The following NPAS3 variants were observed in gnomAD, a reference collection of about 807,000 sequenced individuals.
NPAS3 encodes the protein neuronal PAS domain-containing protein 3.
In NPAS3, 14 loss-of-function variants were observed where a neutral mutation model predicts 73.1. The observed-to-expected ratio is 0.19, with a 90% confidence interval of 0.13 to 0.30. The LOEUF (loss-of-function observed/expected upper bound fraction) is 0.30. Ranked by LOEUF, NPAS3 falls within the 10% of genes least tolerant of loss-of-function variation. NPAS3 has a pLI of 1.00. For synonymous variants in NPAS3, 620 were observed against 541.5 expected (o/e 1.14, Z -2.01); for missense variants, 1,096 against 1,250.0 (o/e 0.88, Z 1.86).
At chr14:33,409,611 A>G (rs1326411020) in intron 4 of NPAS3, among the ~76,000 whole-genome samples, 4 of 152,176 alleles carry the variant, frequency 2.6e-5, no homozygotes, top group Non-Finnish European at 5.9e-5. Flanking sequence ...AGTGGGATTT[A>G]TTCAATTTAC....
At chr14:33,173,046 T>C (rs1443444019) in intron 2 of NPAS3, among the ~76,000 whole-genome samples, 1 of 152,194 alleles carries the variant, frequency 6.6e-6, no homozygotes, top group Non-Finnish European at 1.5e-5. Flanking sequence ...TTCTATAACT[T>C]GAACAAAAAA....
At chr14:32,956,279 C>A (rs1438541703) in intron 1 of NPAS3, among the ~76,000 whole-genome samples, 1 of 152,046 alleles carries the variant, frequency 6.6e-6, no homozygotes, top group Non-Finnish European at 1.5e-5. Flanking sequence ...TAAAATAGAA[C>A]AGGTTACAAA....
At chr14:33,607,902 T>G (rs2057627487) in intron 5 of NPAS3, among the ~76,000 whole-genome samples, 3 of 152,072 alleles carry the variant, frequency 2.0e-5, no homozygotes, top group Admixed American at 6.6e-5. Context: ...AGGAAGCCCC[T>G]TATAAAACCA....
At chr14:33,023,697 T>G (rs1266418558) in intron 1 of NPAS3, among the ~76,000 whole-genome samples, 1 of 152,246 alleles carries the variant, frequency 6.6e-6, no homozygotes, top group East Asian at 1.9e-4. Context: ...CATCTTTTCC[T>G]GCTCTTGGTA....
intron 4 of NPAS3, among the ~76,000 whole-genome samples, chr14:33,424,411 G>A (rs778156664): frequency 7.8e-4 from 118 of 151,912 alleles, no homozygotes; most frequent in Non-Finnish European, 1.2e-3. Context: ...TTCAGGCAGA[G>A]GTTGTATGAT....
At chr14:32,954,024 G>C (rs948602367) in intron 1 of NPAS3, among the ~76,000 whole-genome samples, 1 of 152,124 alleles carries the variant, frequency 6.6e-6, no homozygotes, top group African/African-American at 2.4e-5. Flanking sequence ...GCACTAAAAT[G>C]GGGATTATTA....
chr14:33,377,246 A>T (rs946193157), intron 4 of NPAS3, among the ~76,000 whole-genome samples: 5 of 152,202 alleles, frequency 3.3e-5, no homozygotes, highest in African/African-American at 1.2e-4. Context: ...CTTAGAAGAA[A>T]CTGAAAAAGA....
rs751263625 is a variant in NPAS3, at chr14:33,055,676, C to A, written c.51-229C>A. Among the ~76,000 whole-genome samples the A allele has an allele frequency of 2.8e-3, 413 of 149,666 alleles. 2 individuals carry two copies. The highest frequency in any genetic ancestry group is 5.8e-3 in the African/African-American group (238 of 40,854). ...TGACTCTGAGATTTAAAAAAAAAAA[C>A]AAAACAAAACTGTCCTGATAAAGAA... On this transcript the variant is annotated intron_variant, in intron 1 of 11. Coordinates refer to ENST00000356141, the Ensembl canonical transcript of NPAS3.
chr14:33,774,243 T>A (rs1036067564), intron 7 of NPAS3, 94 bp from the exon 8 acceptor site: 1 of 906,570 alleles, frequency 1.1e-6, no homozygotes. Context: ...TAATGTTGGT[T>A]GTTCCAGATG....
At chr14:33,378,855 C>T (rs920076428) in intron 4 of NPAS3, among the ~76,000 whole-genome samples, 6 of 152,040 alleles carry the variant, frequency 3.9e-5, no homozygotes, top group Non-Finnish European at 5.9e-5. Flanking sequence ...CTTTCTCAGG[C>T]GCTAAGAATG....
At chr14:33,267,270 A>G (rs768939775) in intron 3 of NPAS3, among the ~76,000 whole-genome samples, 1 of 152,192 alleles carries the variant, frequency 6.6e-6, no homozygotes, top group Admixed American at 6.5e-5. Context: ...TACTTTCTAT[A>G]TATTTTATGG....
intron 3 of NPAS3, among the ~76,000 whole-genome samples, chr14:33,255,846 AGAG>A (rs1348150712): frequency 1.3e-5 from 2 of 152,172 alleles, no homozygotes; most frequent in Non-Finnish European, 2.9e-5. Context: ...ACACCAGGAG[AGAG>A]TCTCGTATCT....
intron 3 of NPAS3, among the ~76,000 whole-genome samples, chr14:33,281,962 C>T (rs1201061091): frequency 6.6e-6 from 1 of 152,070 alleles, no homozygotes; most frequent in Admixed American, 6.6e-5. Flanking sequence ...AGTTTTTTTG[C>T]TAATGCTGGG....
chr14:33,735,136 G>A (rs899505006), intron 6 of NPAS3, 78 bp from the exon 7 acceptor site: 7 of 953,642 alleles, frequency 7.3e-6, no homozygotes, highest in Middle Eastern at 5.3e-4. Context: ...GTGAACTCAA[G>A]GATTGCACCT....
rs77110568 is a variant in NPAS3, at chr14:33,249,025, G to C, written c.385+33599G>C. 7.1e-3 allele frequency among the ~76,000 whole-genome samples: 1,077 copies of C among 152,266 alleles called. 10 individuals are homozygous for C. The highest frequency in any genetic ancestry group is 0.025 in the African/African-American group (1,028 of 41,550). On this transcript the variant is annotated intron_variant, in intron 3 of 11. Transcript: ENST00000356141. ...TGACTGTATTTAAACATATACCATGGAAGTAAATTGACCCTACTAGCTTGC... is the reference window on the plus strand; with the variant it reads ...TGACTGTATTTAAACATATACCATGCAAGTAAATTGACCCTACTAGCTTGC...
At chr14:33,289,893 T>C (rs2042030130) in intron 3 of NPAS3, among the ~76,000 whole-genome samples, 1 of 152,146 alleles carries the variant, frequency 6.6e-6, no homozygotes, top group African/African-American at 2.4e-5. Flanking sequence ...CCTGTTGGTA[T>C]TTCCCATCAA....
intron 2 of NPAS3, among the ~76,000 whole-genome samples, chr14:33,127,865 T>C (rs192190800): frequency 1.9e-4 from 29 of 152,242 alleles, no homozygotes; most frequent in African/African-American, 6.7e-4. Context: ...ATAGATCCAC[T>C]TGATACAAAA....
chr14:33,054,805 G>T (rs1222057437), intron 1 of NPAS3, among the ~76,000 whole-genome samples: 1 of 151,878 alleles, frequency 6.6e-6, no homozygotes, highest in Non-Finnish European at 1.5e-5. Context: ...GTAGAGATGG[G>T]GTTTCACCGT....
At chr14:33,705,421 A>G (rs1258201731) in intron 6 of NPAS3, among the ~76,000 whole-genome samples, 3 of 152,234 alleles carry the variant, frequency 2.0e-5, no homozygotes, top group Non-Finnish European at 4.4e-5. Context: ...TGGCTTTGGC[A>G]GCCCATAAAT....
Sources: gnomAD v4.1 joint callset for allele counts (sites outside exome capture counted in the v4.1 genomes callset) on GRCh38, gnomAD v4.1.1 for gene constraint, MANE v1.5 for transcripts, NCBI Gene and HGNC (gene_info 2026-07-23, HGNC 2026-07-21) for gene names.